Variants in TMEM114 observed in about 807,000 individuals in gnomAD.
TMEM114 encodes claudin-26.
In TMEM114, 6 loss-of-function variants were observed where a neutral mutation model predicts 6.2. That is an observed-to-expected ratio of 0.97 (90% CI 0.53 to 1.91). TMEM114 has a LOEUF of 1.91. TMEM114 is among the 40% of genes most tolerant of loss of function. TMEM114 has a pLI of 0.01. For missense variants in TMEM114, 218 were observed against 158.3 expected (o/e 1.38, Z -2.02); for synonymous variants, 104 against 73.0 (o/e 1.42, Z -2.16).
chr16:8,557,096 C>G (rs1454446262), intron 2 of TMEM114, among the ~76,000 whole-genome samples: 1 of 152,172 alleles, frequency 6.6e-6, no homozygotes, highest in African/African-American at 2.4e-5. Context: ...CTAAACGTGG[C>G]TCTAGCAGCT....
chr16:8,530,343 G>A, the TMEM114 span, among the ~76,000 whole-genome samples: 10 of 152,156 alleles, frequency 6.6e-5, no homozygotes, highest in Non-Finnish European at 1.5e-4. Flanking sequence ...GTGGGACCTT[G>A]GACGTGACCC....
chr16:8,565,168 T>C (rs1380821370), downstream of TMEM114, among the ~76,000 whole-genome samples: 1 of 152,064 alleles, frequency 6.6e-6, no homozygotes, highest in Non-Finnish European at 1.5e-5. Context: ...GATGGATGCA[T>C]GGATGGATGA....
At chr16:8,530,341 T>G in the TMEM114 span, among the ~76,000 whole-genome samples, 4 of 152,204 alleles carry the variant, frequency 2.6e-5, no homozygotes, top group East Asian at 7.7e-4. Context: ...CTGTGGGACC[T>G]TGGACGTGAC....
At chr16:8,552,930 A>T (rs1444293446) in intron 2 of TMEM114, among the ~76,000 whole-genome samples, 1 of 152,038 alleles carries the variant, frequency 6.6e-6, no homozygotes, top group Non-Finnish European at 1.5e-5. Flanking sequence ...TAGGTCTCTT[A>T]CCACTTAAGC....
At chr16:8,586,721 G>T (rs1469214233) in intron 2 of TMEM114, among the ~76,000 whole-genome samples, 1 of 152,078 alleles carries the variant, frequency 6.6e-6, no homozygotes, top group Non-Finnish European at 1.5e-5. Flanking sequence ...TGTTGGCCAG[G>T]CTGGTCTCAA....
intron 2 of TMEM114, among the ~76,000 whole-genome samples, chr16:8,574,009 G>C (rs1596310484): frequency 6.6e-6 from 1 of 152,322 alleles, no homozygotes. Flanking sequence ...ATGAGTGAGT[G>C]AATGAGTGAA....
At position 8,539,542 on chromosome 16, in the gene TMEM114, G is replaced by A. The variant is rs114557238; in HGVS notation, n.213-1716C>T. Among the ~76,000 whole-genome samples the A allele has an allele frequency of 9.4e-3, 1,433 of 151,968 alleles. 22 individuals carry two copies. The highest frequency in any genetic ancestry group is 0.033 in the African/African-American group (1,370 of 41,428). ...CCACCCTCTCCTTCCATCCTCCCAC[G>A]CTCCAATTCCCTTATCCAAGGAAAA... On this transcript the variant is annotated intron_variant and non_coding_transcript_variant, in intron 2 of 2. Transcript: ENST00000623677.
chr16:8,544,083 G>C (rs1900591832), intron 2 of TMEM114, among the ~76,000 whole-genome samples: 1 of 152,122 alleles, frequency 6.6e-6, no homozygotes, highest in South Asian at 2.1e-4. Context: ...TTTGTTGATA[G>C]ATTTTCTTTT....
In TMEM114 at chr16:8,538,279, A is replaced by T. The variant is rs541894906; in HGVS notation, n.213-453T>A. On this transcript the variant is annotated intron_variant and non_coding_transcript_variant, in intron 2 of 2. Transcript: ENST00000623677. The stretch of plus-strand genomic sequence containing the variant: ...ACTGTAGCCTGGGTGACAGACCAAG[A>T]TGATGTCTCAAAAATAAAAAAAAAA... Among the ~76,000 whole-genome samples, 11 of 151,928 alleles carry T rather than the reference A, an allele frequency of 7.2e-5. No homozygotes were observed. In the East Asian group the frequency reaches 2.1e-3, roughly 29 times the overall value.
chr16:8,564,016 T>C (rs564437060), intron 2 of TMEM114, among the ~76,000 whole-genome samples: 2 of 134,582 alleles, frequency 1.5e-5, no homozygotes, highest in Non-Finnish European at 3.2e-5. Context: ...TGAATGAGTA[T>C]GTGAATGAGT....
downstream of TMEM114, among the ~76,000 whole-genome samples, chr16:8,536,166 A>C (rs1220213912): frequency 6.6e-6 from 1 of 151,630 alleles, no homozygotes; most frequent in African/African-American, 2.4e-5. Context: ...CGGAGGTTGC[A>C]GTGAGCCGAG....
At chr16:8,557,683 A>T (rs915872974) in intron 2 of TMEM114, among the ~76,000 whole-genome samples, 6 of 152,198 alleles carry the variant, frequency 3.9e-5, no homozygotes, top group African/African-American at 1.4e-4. Flanking sequence ...CCAGGGCATG[A>T]ACTCAGGTAA....
At chr16:8,530,754 T>C in the TMEM114 span, among the ~76,000 whole-genome samples, 18,564 of 152,028 alleles carry the variant, frequency 0.12, 1,374 homozygotes, top group Middle Eastern at 0.23. Context: ...CCGGGCATTG[T>C]GGCTCATGCT....
chr16:8,579,758 C>T (rs1365483927), intron 2 of TMEM114, among the ~76,000 whole-genome samples: 1 of 152,172 alleles, frequency 6.6e-6, no homozygotes, highest in East Asian at 1.9e-4. Flanking sequence ...TCCCATTTCA[C>T]AGGTGGGAAA....
At chr16:8,535,119 G>C (rs914452803), downstream of TMEM114, among the ~76,000 whole-genome samples, 4 of 152,176 alleles carry the variant, frequency 2.6e-5, no homozygotes, top group African/African-American at 9.7e-5. Context: ...TCTGTGCCTA[G>C]TCTCTGAGTC....
chr16:8,543,653 C>T (rs774533339), intron 2 of TMEM114, among the ~76,000 whole-genome samples: 4 of 152,100 alleles, frequency 2.6e-5, no homozygotes, highest in Non-Finnish European at 5.9e-5. Context: ...AAGGTTTCTG[C>T]CTTGGGCTCC....
intron 2 of TMEM114, among the ~76,000 whole-genome samples, chr16:8,559,681 A>G (rs562458465): frequency 6.6e-6 from 1 of 152,322 alleles, no homozygotes; most frequent in African/African-American, 2.4e-5. Flanking sequence ...TGAATGTGGG[A>G]CAGACGTCGA....
At chr16:8,564,338 TC>T (rs1452384292) in intron 2 of TMEM114, among the ~76,000 whole-genome samples, 1 of 139,294 alleles carries the variant, frequency 7.2e-6, no homozygotes, top group Non-Finnish European at 1.6e-5. Context: ...AGAGAATGAG[TC>T]AGTGAGAGAA....
rs148414374 is a variant in TMEM114, at chr16:8,571,308, T to C, written c.439+779A>G. Among the ~76,000 whole-genome samples, 561 of 152,274 alleles carry C rather than the reference T, an allele frequency of 3.7e-3. 4 individuals carry two copies. Among genetic ancestry groups the C allele is most frequent in the African/African-American group, 0.013 (540 of 41,544 alleles). ...GTTTTTGTGTGTGCTGCTGTTTAATTGACAAGTAAAAATTGTATGTATTTA... is the reference window on the plus strand; with the variant it reads ...GTTTTTGTGTGTGCTGCTGTTTAATCGACAAGTAAAAATTGTATGTATTTA... On this transcript the variant is annotated intron_variant, in intron 3 of 3. Coordinates refer to ENST00000620492, the MANE Select transcript of TMEM114 (RefSeq NM_001146336.2).
Sources: allele counts gnomAD v4.1 joint callset (sites outside exome capture counted in the v4.1 genomes callset), GRCh38; gene constraint gnomAD v4.1.1; transcripts MANE v1.5; gene names NCBI Gene and HGNC (gene_info 2026-07-23, HGNC 2026-07-21).